The following ANKS1B variants were observed in gnomAD, a reference collection of about 807,000 sequenced individuals.
ANKS1B encodes ankyrin repeat and sterile alpha motif domain-containing protein 1B.
Under a neutral mutation model 148.3 loss-of-function variants are expected in ANKS1B, and 36 were observed. That is an observed-to-expected ratio of 0.24 (90% CI 0.19 to 0.32). The LOEUF (loss-of-function observed/expected upper bound fraction) is 0.32. Among genes scored for constraint, ANKS1B ranks in the 10% least tolerant of loss-of-function variants. ANKS1B has a pLI of 1.00. For synonymous variants in ANKS1B, 542 were observed against 560.8 expected (o/e 0.97, Z 0.47); for missense variants, 1,157 against 1,542.6 (o/e 0.75, Z 4.19).
At chr12:99,126,491 G>C (rs1273295979) in intron 15 of ANKS1B, among the ~76,000 whole-genome samples, 1 of 149,398 alleles carries the variant, frequency 6.7e-6, no homozygotes, top group Admixed American at 6.6e-5. Flanking sequence ...AGAAATAATA[G>C]AGTCTCCCCC....
chr12:98,889,492 C>T (rs755334250), intron 17 of ANKS1B, among the ~76,000 whole-genome samples: 1 of 152,090 alleles, frequency 6.6e-6, no homozygotes, highest in African/African-American at 2.4e-5. Context: ...AGATTACAGG[C>T]ACCCGCCACC....
intron 15 of ANKS1B, among the ~76,000 whole-genome samples, chr12:99,100,496 G>T (rs1215397097): frequency 6.6e-6 from 1 of 152,180 alleles, no homozygotes; most frequent in Non-Finnish European, 1.5e-5. Context: ...GGAGGGGTAA[G>T]GTGGAGGTGG....
chr12:99,343,282 T>C (rs1210603188), intron 12 of ANKS1B, among the ~76,000 whole-genome samples: 2 of 152,128 alleles, frequency 1.3e-5, no homozygotes, highest in Non-Finnish European at 2.9e-5. Context: ...TACATGAGAA[T>C]AGATCCAATA....
chr12:99,126,925 CAT>C (rs1406790175), intron 15 of ANKS1B, among the ~76,000 whole-genome samples: 3 of 152,002 alleles, frequency 2.0e-5, no homozygotes, highest in Non-Finnish European at 4.4e-5. Context: ...GATCAATTAA[CAT>C]TTTGGAAAAA....
At chr12:99,135,344 T>G (rs559378787) in intron 15 of ANKS1B, among the ~76,000 whole-genome samples, 18 of 152,068 alleles carry the variant, frequency 1.2e-4, no homozygotes, top group African/African-American at 4.3e-4. Flanking sequence ...AACGAAGAGA[T>G]AGATAGAAAT....
At chr12:99,352,230 C>A (rs2091495516) in intron 12 of ANKS1B, 1 of 151,974 alleles carries the variant, frequency 6.6e-6, no homozygotes, top group Non-Finnish European at 1.5e-5. Context: ...TAAAAAAAAT[C>A]CCTTTAGCAA....
intron 15 of ANKS1B, among the ~76,000 whole-genome samples, chr12:99,094,746 C>T (rs1566031383): frequency 6.6e-6 from 1 of 152,082 alleles, no homozygotes; most frequent in Non-Finnish European, 1.5e-5. Flanking sequence ...GGGACGAAGA[C>T]CTGGGAAAGA....
intron 1 of ANKS1B, among the ~76,000 whole-genome samples, chr12:99,923,384 C>T (rs3912635): frequency 0.61 from 92,128 of 152,100 alleles, 29,069 homozygotes; most frequent in Middle Eastern, 0.7. Flanking sequence ...TCTAAATCCA[C>T]GGGAGGATCC....
chr12:99,566,353 G>A (rs2097393904), intron 9 of ANKS1B, among the ~76,000 whole-genome samples: 1 of 152,146 alleles, frequency 6.6e-6, no homozygotes, highest in Non-Finnish European at 1.5e-5. Flanking sequence ...ATGGCAGAAT[G>A]CACAATTTTG....
At chr12:98,754,956 C>G (rs543154034) in intron 25 of ANKS1B, among the ~76,000 whole-genome samples, 1 of 152,278 alleles carries the variant, frequency 6.6e-6, no homozygotes, top group East Asian at 1.9e-4. Context: ...TGTCAAGTTT[C>G]TTTTGTGATT....
chr12:98,894,952 C>T (rs2461813), intron 17 of ANKS1B: 5 of 860,604 alleles, frequency 5.8e-6, no homozygotes, highest in Non-Finnish European at 6.9e-6. Flanking sequence ...CGCCCTCGCA[C>T]CCGCCCGGCT....
intron 13 of ANKS1B, 112 bp downstream of exon 13, chr12:99,246,163 A>G (rs1254934699): frequency 1.3e-6 from 1 of 767,438 alleles, no homozygotes; most frequent in African/African-American, 1.8e-5. Flanking sequence ...TTGGAGCCGT[A>G]TGCTTTTTTT....
intron 15 of ANKS1B, among the ~76,000 whole-genome samples, chr12:99,122,993 A>AT (rs57985878): frequency 0.24 from 33,141 of 137,932 alleles, 4,436 homozygotes; most frequent in East Asian, 0.5. Flanking sequence ...AAAATTAAAA[A>AT]AAAAATATAT....
At chr12:98,957,701 C>T (rs1304516108) in intron 17 of ANKS1B, among the ~76,000 whole-genome samples, 1 of 152,034 alleles carries the variant, frequency 6.6e-6, no homozygotes, top group Admixed American at 6.5e-5. Context: ...GGTAGGGGTG[C>T]TAGGAAACTT....
intron 8 of ANKS1B, among the ~76,000 whole-genome samples, chr12:99,678,620 C>G (rs1226183517): frequency 6.6e-6 from 1 of 152,234 alleles, no homozygotes; most frequent in South Asian, 2.1e-4. Flanking sequence ...GGGCTAAGTA[C>G]AATCCATCCC....
chr12:98,805,967 G>T (rs1364820295), intron 20 of ANKS1B, among the ~76,000 whole-genome samples: 1 of 152,146 alleles, frequency 6.6e-6, no homozygotes, highest in Admixed American at 6.5e-5. Context: ...CGCTTCCTAG[G>T]GTCCAGTGAT....
At chr12:99,776,362 C>T (rs145503168) in intron 6 of ANKS1B, among the ~76,000 whole-genome samples, 9 of 152,230 alleles carry the variant, frequency 5.9e-5, no homozygotes, top group Admixed American at 3.3e-4. Context: ...GTAATCCTTA[C>T]AAAACTATGA....
chr12:99,206,241 T>TA (rs1212255687), intron 14 of ANKS1B, among the ~76,000 whole-genome samples: 1 of 152,134 alleles, frequency 6.6e-6, no homozygotes, highest in Admixed American at 6.6e-5. Flanking sequence ...TCCTAATTTA[T>TA]AAAAAAACTG....
chr12:99,384,890 T>G (rs1034105793), intron 12 of ANKS1B, among the ~76,000 whole-genome samples: 2 of 152,216 alleles, frequency 1.3e-5, no homozygotes. Context: ...TTATTTCCAG[T>G]ATCTTGCCTG....
Sources: allele counts gnomAD v4.1 joint callset (sites outside exome capture counted in the v4.1 genomes callset), GRCh38; gene constraint gnomAD v4.1.1; transcripts MANE v1.5; gene names NCBI Gene and HGNC (gene_info 2026-07-23, HGNC 2026-07-21).